TACR1: variants seen among roughly 807,000 people sequenced by gnomAD.
TACR1 encodes substance-P receptor.
TACR1 carries 25 observed loss-of-function variants against 35.8 expected under a neutral mutation model. The observed-to-expected ratio is 0.70, with a 90% CI of 0.51 to 0.98. TACR1 has a LOEUF of 0.98. Ranked by LOEUF, TACR1 falls within the 50% of genes least tolerant of loss-of-function variation. The pLI is 0.00. For missense variants in TACR1, 478 were observed against 522.9 expected, an observed-to-expected ratio of 0.91 and a Z score of 0.84; for synonymous variants, 195 against 206.7, an observed-to-expected ratio of 0.94 and a Z score of 0.48.
intron 1 of TACR1, among the ~76,000 whole-genome samples, chr2:75,165,595 A>C (rs1178606082): frequency 1.3e-5 from 2 of 150,990 alleles, no homozygotes; most frequent in Non-Finnish European, 3.0e-5. Context: ...GGCGGGAGCC[A>C]CTGCGCCTGG....
At chr2:75,179,759 G>A (rs1675518286) in intron 1 of TACR1, among the ~76,000 whole-genome samples, 2 of 152,162 alleles carry the variant, frequency 1.3e-5, no homozygotes, top group African/African-American at 4.8e-5. Flanking sequence ...AGGTTGAGAT[G>A]GCTGAGCCAC....
intron 1 of TACR1, among the ~76,000 whole-genome samples, chr2:75,182,431 C>T (rs533569143): frequency 3.8e-4 from 58 of 152,276 alleles, no homozygotes; most frequent in Non-Finnish European, 6.8e-4. Context: ...CCTGAACTCC[C>T]GCTCTTCCTT....
At chr2:75,124,934 T>C (rs947351994) in intron 1 of TACR1, among the ~76,000 whole-genome samples, 1 of 152,186 alleles carries the variant, frequency 6.6e-6, no homozygotes, top group African/African-American at 2.4e-5. Context: ...AGTAAGGTGG[T>C]CTACGGCCAG....
chr2:75,189,868 T>C (rs1675801006), intron 1 of TACR1: 3 of 152,242 alleles, frequency 2.0e-5, no homozygotes, highest in Admixed American at 6.5e-5. Flanking sequence ...AGTTTATAAA[T>C]ACTGTTTACA....
chr2:75,077,842 C>A (rs560566757), intron 2 of TACR1, among the ~76,000 whole-genome samples: 1 of 152,268 alleles, frequency 6.6e-6, no homozygotes, highest in African/African-American at 2.4e-5. Flanking sequence ...ATGATCTTTT[C>A]CTCTTTCCTT....
chr2:75,189,243 T>G (rs1675785023), intron 1 of TACR1: 1 of 152,216 alleles, frequency 6.6e-6, no homozygotes, highest in South Asian at 2.1e-4. Context: ...GGCTCAGGTA[T>G]CGAGATGCAG....
chr2:75,175,052 A>G (rs866166931), intron 1 of TACR1, among the ~76,000 whole-genome samples: 3 of 152,250 alleles, frequency 2.0e-5, no homozygotes, highest in East Asian at 1.9e-4. Context: ...CTAAAGGCCA[A>G]TGAAAGTATC....
chr2:75,096,529 T>C (rs1399531131), intron 2 of TACR1, among the ~76,000 whole-genome samples: 1 of 152,222 alleles, frequency 6.6e-6, no homozygotes, highest in South Asian at 2.1e-4. Flanking sequence ...TAAGATTGGA[T>C]ATGATAATTG....
At position 75,172,949 on chromosome 2, in the gene TACR1, T is replaced by C. The variant is rs371611583; in HGVS notation, c.389+25597A>G. On this transcript the variant is annotated intron_variant, in intron 1 of 4. Coordinates refer to ENST00000305249, the MANE Select transcript of TACR1 (RefSeq NM_001058.4). ...TTCCTTTTTTTTAAAATCAGGATAC[T>C]GGTCATACTGAACTGGTGCCTACCC... Among the ~76,000 whole-genome samples the C allele has an allele frequency of 7.2e-5, 11 of 152,268 alleles. No individual in the cohort carries two copies. The South Asian group carries it at 2.3e-3, about 32-fold the overall frequency.
intron 1 of TACR1, among the ~76,000 whole-genome samples, chr2:75,136,893 T>C (rs1000065265): frequency 2.0e-5 from 3 of 152,196 alleles, no homozygotes; most frequent in Non-Finnish European, 2.9e-5. Flanking sequence ...GGGTGGATGA[T>C]GGCAGAGCAG....
intron 1 of TACR1, among the ~76,000 whole-genome samples, chr2:75,190,669 A>G (rs926910642): frequency 1.3e-5 from 2 of 152,144 alleles, no homozygotes; most frequent in African/African-American, 4.8e-5. Context: ...ACCTTCTACA[A>G]GGTAAGTTTC....
chr2:75,136,754 T>C (rs1674301001), intron 1 of TACR1, among the ~76,000 whole-genome samples: 1 of 152,216 alleles, frequency 6.6e-6, no homozygotes, highest in African/African-American at 2.4e-5. Context: ...GAAATTGTAA[T>C]TGTTATGTGA....
At chr2:75,117,484 A>T (rs912189098) in intron 2 of TACR1, among the ~76,000 whole-genome samples, 3 of 152,212 alleles carry the variant, frequency 2.0e-5, no homozygotes, top group Non-Finnish European at 4.4e-5. Flanking sequence ...AATGATGCTA[A>T]CATTGGTAGT....
At chr2:75,089,807 C>A (rs1673270784) in intron 2 of TACR1, among the ~76,000 whole-genome samples, 1 of 152,106 alleles carries the variant, frequency 6.6e-6, no homozygotes, top group Non-Finnish European at 1.5e-5. Flanking sequence ...GCTTGAAGGT[C>A]TTGGCTTTGT....
At chr2:75,114,695 C>G (rs1324316583) in intron 2 of TACR1, among the ~76,000 whole-genome samples, 4 of 152,284 alleles carry the variant, frequency 2.6e-5, no homozygotes, top group Admixed American at 2.6e-4. Context: ...GGAAGAGTCA[C>G]CTTTGATTAC....
At position 75,047,395 on chromosome 2, in the gene TACR1, C is replaced by T. The variant is rs931640495; in HGVS notation, c.*2037G>A. ...TTAGTGATGGCCAATAAGGTAGGCTCTTCAAGAGCTGCAGGGGCTGTGTGT... is the reference window on the plus strand; with the variant it reads ...TTAGTGATGGCCAATAAGGTAGGCTTTTCAAGAGCTGCAGGGGCTGTGTGT... On this transcript the variant is annotated 3_prime_UTR_variant, in exon 5 of 5. Coordinates refer to ENST00000305249, the MANE Select transcript of TACR1 (RefSeq NM_001058.4). 6.6e-6 allele frequency: 1 copy of T among 152,346 alleles called. No homozygotes were observed. Among genetic ancestry groups the T allele is most frequent in the Non-Finnish European group, 1.5e-5 (1 of 68,132 alleles). The allele number at this position is 152,346 out of a possible 1,614,324, so 9.4% of individuals were successfully genotyped here. A position where few individuals can be genotyped will look rare whatever the true frequency, so the allele number is the denominator to read the frequency against.
intron 1 of TACR1, chr2:75,186,786 A>G (rs559686598): frequency 5.6e-4 from 86 of 152,318 alleles, no homozygotes; most frequent in African/African-American, 2.0e-3. Flanking sequence ...ACTGTTTTAT[A>G]TACAGCAGTT....
rs1672576053 is a variant in TACR1 at position 75,056,746 on chromosome 2, C to T, written c.585-2991G>A. ...ATAATTTATCAGCCTTTAAAAAATCCCTCCCTTTTTAAAGAAGCAAAAGTT... is the reference window on the plus strand; with the variant it reads ...ATAATTTATCAGCCTTTAAAAAATCTCTCCCTTTTTAAAGAAGCAAAAGTT... On this transcript the variant is annotated intron_variant, in intron 2 of 4. Transcript: ENST00000305249. 2.0e-5 allele frequency among the ~76,000 whole-genome samples: 3 copies of T among 152,010 alleles called. No individual in the cohort carries two copies. In the South Asian group the frequency reaches 6.2e-4, roughly 32 times the overall value.
intron 2 of TACR1, among the ~76,000 whole-genome samples, chr2:75,094,757 G>T (rs761235982): frequency 6.6e-6 from 1 of 150,854 alleles, no homozygotes; most frequent in African/African-American, 2.5e-5. Context: ...TGTGCCATTT[G>T]CATTCAGCGT....
Sources: allele counts gnomAD v4.1 joint callset (sites outside exome capture counted in the v4.1 genomes callset), GRCh38; gene constraint gnomAD v4.1.1; transcripts MANE v1.5; gene names NCBI Gene and HGNC (gene_info 2026-07-23, HGNC 2026-07-21).